Variants in ANKFN1 observed in about 807,000 individuals in gnomAD.
The protein encoded by ANKFN1 is ankyrin repeat and fibronectin type-III domain-containing protein 1.
Under a neutral mutation model 108.7 loss-of-function variants are expected in ANKFN1, and 74 were observed. The observed-to-expected ratio is 0.68, with a 90% CI of 0.56 to 0.83. ANKFN1 has a LOEUF of 0.83. Ranked by LOEUF, ANKFN1 falls within the 40% of genes least tolerant of loss-of-function variation. The pLI is 0.00. For missense variants in ANKFN1, 1,505 were observed against 1,382.3 expected, an observed-to-expected ratio of 1.09 and a Z score of -1.41; for synonymous variants, 547 against 516.2, an observed-to-expected ratio of 1.06 and a Z score of -0.81.
Position 56,463,510 on chromosome 17 carries a change from G to A in ANKFN1, c.1558-2846G>A, listed in dbSNP as rs1294221887. On this transcript the variant is annotated intron_variant, in intron 14 of 20. Transcript: ENST00000682825. Reference sequence around the variant, plus strand: ...AGGAGAGATAAGTATCTCAGCATGTGGGAAAAAAAATTAAGATGAGAAATC... The same window carrying A: ...AGGAGAGATAAGTATCTCAGCATGTAGGAAAAAAAATTAAGATGAGAAATC... 2.6e-5 allele frequency among the ~76,000 whole-genome samples: 4 copies of A among 152,102 alleles called. No individual in the cohort carries two copies. In the South Asian group the frequency reaches 6.2e-4, roughly 24 times the overall value.
At chr17:56,122,591 C>T (rs961088621) in intron 4 of ANKFN1, among the ~76,000 whole-genome samples, 7 of 152,180 alleles carry the variant, frequency 4.6e-5, no homozygotes, top group Non-Finnish European at 1.0e-4. Context: ...CTTCATTCAT[C>T]CCCTACTCCC....
rs145338917 is a variant in ANKFN1, at chr17:56,107,202, G to A, written c.288+60877G>A. On this transcript the variant is annotated intron_variant, in intron 4 of 12. Coordinates refer to the ANKFN1 transcript ENST00000635860. ...GAGTTTGGGCGCTGGCTGGGCTGGG[G>A]CTGCAGAGCTTGAAGGGTGGGCTTG... 5.4e-3 allele frequency among the ~76,000 whole-genome samples: 826 copies of A among 152,256 alleles called. 8 individuals carry two copies. The highest frequency in any genetic ancestry group is 0.019 in the African/African-American group (793 of 41,554).
At chr17:56,430,129 A>T (rs1345657362) in intron 8 of ANKFN1, among the ~76,000 whole-genome samples, 1 of 152,124 alleles carries the variant, frequency 6.6e-6, no homozygotes, top group Admixed American at 6.6e-5. Flanking sequence ...CCATGATATT[A>T]AACCGTAAGC....
chr17:56,184,805 G>A (rs905177473), intron 1 of ANKFN1: 2 of 152,094 alleles, frequency 1.3e-5, no homozygotes, highest in Admixed American at 6.5e-5. Context: ...GAAATGAAGC[G>A]ACACGTCCAA....
chr17:56,337,752 A>G (rs2045853022), intron 4 of ANKFN1, among the ~76,000 whole-genome samples: 1 of 152,226 alleles, frequency 6.6e-6, no homozygotes, highest in Non-Finnish European at 1.5e-5. Flanking sequence ...AACCACAATG[A>G]GATACCATCT....
intron 19 of ANKFN1, among the ~76,000 whole-genome samples, chr17:56,497,981 C>T (rs1034805509): frequency 3.9e-5 from 6 of 152,062 alleles, no homozygotes; most frequent in South Asian, 2.1e-4. Context: ...GGAAAACTTT[C>T]GTCATCTATA....
At chr17:56,301,288 T>C (rs2144368750) in intron 3 of ANKFN1, among the ~76,000 whole-genome samples, 1 of 152,352 alleles carries the variant, frequency 6.6e-6, no homozygotes, top group East Asian at 1.9e-4. Context: ...TTCATCTTTA[T>C]TTGTCTCCTT....
chr17:56,179,190 A>T (rs924948455), intron 1 of ANKFN1, among the ~76,000 whole-genome samples: 3 of 152,180 alleles, frequency 2.0e-5, no homozygotes, highest in African/African-American at 7.2e-5. Flanking sequence ...ATGTTTCATG[A>T]TCATAGGTCA....
intron 14 of ANKFN1, among the ~76,000 whole-genome samples, chr17:56,465,813 G>A (rs1379034301): frequency 6.6e-6 from 1 of 152,156 alleles, no homozygotes; most frequent in Non-Finnish European, 1.5e-5. Context: ...ATGCAGATAA[G>A]TCGAATCAGG....
chr17:56,441,123 C>A (rs533446644), intron 9 of ANKFN1, among the ~76,000 whole-genome samples: 43 of 151,908 alleles, frequency 2.8e-4, no homozygotes, highest in Non-Finnish European at 5.2e-4. Flanking sequence ...TGGAGCAAAC[C>A]CTGTATTTCC....
intron 8 of ANKFN1, among the ~76,000 whole-genome samples, chr17:56,396,511 A>G (rs550398787): frequency 2.1e-3 from 326 of 152,292 alleles, no homozygotes; most frequent in African/African-American, 6.9e-3. Flanking sequence ...TTTACATCCC[A>G]AAGAAATCTA....
At chr17:56,164,430 A>C (rs138070839) in intron 1 of ANKFN1, among the ~76,000 whole-genome samples, 1 of 152,156 alleles carries the variant, frequency 6.6e-6, no homozygotes, top group Non-Finnish European at 1.5e-5. Flanking sequence ...GTCTGTTTCT[A>C]TCGAGACTCT....
intron 3 of ANKFN1, among the ~76,000 whole-genome samples, chr17:56,232,121 T>G (rs976258967): frequency 1.6e-4 from 24 of 152,174 alleles, no homozygotes; most frequent in Non-Finnish European, 4.4e-5. Context: ...TTTTGGAATC[T>G]GATCCCGTAT....
chr17:56,120,676 A>G (rs1190031305), intron 4 of ANKFN1, among the ~76,000 whole-genome samples: 1 of 152,100 alleles, frequency 6.6e-6, no homozygotes, highest in African/African-American at 2.4e-5. Context: ...AGAACTTCCT[A>G]GAATGCACTA....
intron 10 of ANKFN1, among the ~76,000 whole-genome samples, chr17:56,445,724 T>A (rs919919325): frequency 1.3e-5 from 2 of 152,188 alleles, no homozygotes; most frequent in Admixed American, 6.5e-5. Flanking sequence ...AAAACTTTTT[T>A]AAAAAATATT....
At chr17:56,109,354 A>G (rs977769420) in intron 4 of ANKFN1, among the ~76,000 whole-genome samples, 1 of 152,092 alleles carries the variant, frequency 6.6e-6, no homozygotes, top group South Asian at 2.1e-4. Context: ...AGCACTATTA[A>G]CATTTTGGGG....
chr17:56,071,351 T>C (rs1905118944), intron 4 of ANKFN1, among the ~76,000 whole-genome samples: 1 of 152,244 alleles, frequency 6.6e-6, no homozygotes, highest in African/African-American at 2.4e-5. Context: ...TTCATCCTTG[T>C]GATTCCCTCT....
At chr17:56,133,313 T>C (rs1907394839) in intron 4 of ANKFN1, among the ~76,000 whole-genome samples, 1 of 152,206 alleles carries the variant, frequency 6.6e-6, no homozygotes, top group Admixed American at 6.5e-5. Flanking sequence ...CTAGCTTGCA[T>C]GTGCACTATG....
At chr17:56,199,950 G>A (rs556045434) in intron 1 of ANKFN1, among the ~76,000 whole-genome samples, 1 of 152,056 alleles carries the variant, frequency 6.6e-6, no homozygotes, top group South Asian at 2.1e-4. Flanking sequence ...ATGCACATTT[G>A]TCTATTATCA....
Sources: gnomAD v4.1 joint callset for allele counts (sites outside exome capture counted in the v4.1 genomes callset) on GRCh38, gnomAD v4.1.1 for gene constraint, MANE v1.5 for transcripts, NCBI Gene and HGNC (gene_info 2026-07-23, HGNC 2026-07-21) for gene names.